DUSP16: variants seen among roughly 807,000 people sequenced by gnomAD.
DUSP16 encodes the protein dual specificity phosphatase 16, also known as dual specificity protein phosphatase 16.
DUSP16 carries 21 observed loss-of-function variants against 58.3 expected under a neutral mutation model. The observed-to-expected ratio is 0.36, with a 90% confidence interval of 0.26 to 0.52. DUSP16 has a LOEUF of 0.52. Ranked by LOEUF, DUSP16 falls within the 20% of genes least tolerant of loss-of-function variation. The pLI is 0.94. For synonymous variants in DUSP16, 320 were observed against 323.8 expected (o/e 0.99, Z 0.12); for missense variants, 726 against 819.0 (o/e 0.89, Z 1.39).
chr12:12,523,780 A>G (rs1944266878), intron 1 of DUSP16, among the ~76,000 whole-genome samples: 1 of 152,202 alleles, frequency 6.6e-6, no homozygotes, highest in African/African-American at 2.4e-5. Context: ...CTGTATTCAG[A>G]TTGTCTGATT....
chr12:12,548,032 C>T (rs1944673107), intron 1 of DUSP16, among the ~76,000 whole-genome samples: 1 of 152,136 alleles, frequency 6.6e-6, no homozygotes, highest in Non-Finnish European at 1.5e-5. Flanking sequence ...CCAGTAATAG[C>T]AGAAGAAGCA....
chr12:12,529,079 T>C (rs975008024), intron 1 of DUSP16, among the ~76,000 whole-genome samples: 1 of 152,244 alleles, frequency 6.6e-6, no homozygotes, highest in African/African-American at 2.4e-5. Flanking sequence ...TTATATCTAT[T>C]GGAAATGATG....
In DUSP16 at chr12:12,538,272, G is replaced by C. The variant is rs960715722; in HGVS notation, c.-365-16809C>G. Among the ~76,000 whole-genome samples the C allele has an allele frequency of 3.3e-5, 5 of 152,172 alleles. No homozygotes were observed. In the South Asian group the frequency reaches 1.0e-3, roughly 32 times the overall value. Reference sequence around the variant, plus strand: ...CAGTCTCTCTTACCTGGAGGACATAGAGGCATAAAAGCTGGATTTGAGTTG... The same window carrying C: ...CAGTCTCTCTTACCTGGAGGACATACAGGCATAAAAGCTGGATTTGAGTTG... On this transcript the variant is annotated intron_variant, in intron 1 of 6. Transcript: ENST00000298573.
intron 5 of DUSP16, among the ~76,000 whole-genome samples, chr12:12,484,281 A>T (rs1205136409): frequency 6.6e-6 from 1 of 152,178 alleles, no homozygotes; most frequent in Admixed American, 6.5e-5. Context: ...AAATACTGAT[A>T]AGTATTTGCA....
intron 4 of DUSP16, among the ~76,000 whole-genome samples, chr12:12,488,478 C>T (rs1272691528): frequency 6.6e-6 from 1 of 152,174 alleles, no homozygotes; most frequent in Non-Finnish European, 1.5e-5. Flanking sequence ...TAGAATTGCA[C>T]TCAAAACAAT....
Position 12,520,988 on chromosome 12 carries a change from G to A in DUSP16, c.111C>T (p.Tyr37=), listed in dbSNP as rs79481328. The change falls in exon 2 of 7, where the codon TAC becomes TAT. Residue 37 remains tyrosine, a synonymous_variant. Coordinates refer to ENST00000298573, the MANE Select transcript of DUSP16 (RefSeq NM_030640.3). The part of the protein sequence containing the change: ...LLIDSRPFVE[Y]NTSHILEAIN... ...TGGCTTCCAAAATGTGGGATGTATT[G>A]TATTCCACAAATGGCCGGCTATCAA... 8.1e-6 allele frequency: 13 copies of A among 1,614,194 alleles called. No individual in the cohort carries two copies. In the East Asian group the frequency reaches 2.5e-4, roughly 30 times the overall value.
At chr12:12,545,717 T>C (rs979816254) in intron 1 of DUSP16, among the ~76,000 whole-genome samples, 12 of 152,198 alleles carry the variant, frequency 7.9e-5, no homozygotes, top group African/African-American at 2.9e-4. Flanking sequence ...GCAGAACGTT[T>C]CCATCGCTCC....
At position 12,476,718 on chromosome 12, in the gene DUSP16, G is replaced by T; in HGVS notation, c.*115C>A. On this transcript the variant is annotated 3_prime_UTR_variant, in exon 7 of 7. Transcript: ENST00000298573. ...ATCCACCTGTTGCTTTTACACCATA[G>T]CTCCATTTTCCAAAAATATATATGT... is the stretch of plus-strand genomic sequence containing the variant. The T allele has an allele frequency of 2.2e-6, 2 of 908,598 alleles. No homozygotes were observed. The highest frequency in any genetic ancestry group is 2.8e-5 in the Admixed American group (1 of 36,252). 56.3% of individuals were successfully genotyped at this position (908,598 alleles called of 1,614,324 possible).
rs1943424031 is a variant in DUSP16, at chr12:12,475,950, T to TTTGA, written c.*879_*882dup. The TTTGA allele has an allele frequency of 6.6e-6, 1 of 152,160 alleles. No homozygotes were observed. Among genetic ancestry groups the TTTGA allele is most frequent in the South Asian group, 2.1e-4 (1 of 4,822 alleles). The allele number at this position is 152,160 out of a possible 1,614,324, so 9.4% of individuals were successfully genotyped here. On this transcript the variant is annotated 3_prime_UTR_variant, in exon 7 of 7. Transcript: ENST00000298573. ...TTGACAATCCCATTTTAAACAATTCTTTGATTTACAAAGAGGGAGGTAGAC... is the reference window on the plus strand; with the variant it reads ...TTGACAATCCCATTTTAAACAATTCTTTGATTGATTTACAAAGAGGGAGGTAGAC...
chr12:12,511,176 A>G (rs1944073862), intron 3 of DUSP16, among the ~76,000 whole-genome samples: 1 of 152,218 alleles, frequency 6.6e-6, no homozygotes, highest in African/African-American at 2.4e-5. Context: ...GAGCATGTGA[A>G]CAGATCAGTT....
At chr12:12,483,831 A>T (rs1943624114) in intron 5 of DUSP16, among the ~76,000 whole-genome samples, 1 of 152,064 alleles carries the variant, frequency 6.6e-6, no homozygotes, top group Non-Finnish European at 1.5e-5. Context: ...ACTTACCCAA[A>T]TCTAATCTAA....
At chr12:12,491,894 G>T (rs141476081) in intron 4 of DUSP16, among the ~76,000 whole-genome samples, 4 of 152,174 alleles carry the variant, frequency 2.6e-5, no homozygotes, top group Non-Finnish European at 5.9e-5. Context: ...CCCTGCAGGA[G>T]GACCTACAGT....
rs80240190 is a variant in DUSP16, at chr12:12,525,286, T to C, written c.-365-3823A>G. 3.3e-5 allele frequency among the ~76,000 whole-genome samples: 5 copies of C among 152,056 alleles called. No individual in the cohort carries two copies. The East Asian group carries it at 7.7e-4, about 23-fold the overall frequency. ...ACATGTAGAAATTCTTTTTTTTTTT[T>C]GAGACAGAGTTTCACTCTTATTGCC... On this transcript the variant is annotated intron_variant, in intron 1 of 6. Coordinates refer to ENST00000298573, the MANE Select transcript of DUSP16 (RefSeq NM_030640.3).
At chr12:12,488,234 A>G (rs1392825512) in intron 4 of DUSP16, among the ~76,000 whole-genome samples, 1 of 147,034 alleles carries the variant, frequency 6.8e-6, no homozygotes, top group Non-Finnish European at 1.5e-5. Context: ...TCCTTCTTCC[A>G]GAAGACACTC....
Position 12,519,323 on chromosome 12 carries a change from C to A in DUSP16, c.367+539G>T, listed in dbSNP as rs144242184. Among the ~76,000 whole-genome samples the A allele has an allele frequency of 7.6e-3, 1,162 of 152,272 alleles. 11 individuals carry two copies. Among genetic ancestry groups the A allele is most frequent in the Non-Finnish European group, 0.012 (804 of 68,018 alleles). On this transcript the variant is annotated intron_variant, in intron 3 of 6. Transcript: ENST00000298573. ...AAAACAAATAAAAATATACAAGTAA[C>A]TTTTAAAACAATTCCCCTAATTACC...
intron 1 of DUSP16, among the ~76,000 whole-genome samples, chr12:12,543,138 T>C (rs1944590700): frequency 6.6e-6 from 1 of 152,208 alleles, no homozygotes; most frequent in Non-Finnish European, 1.5e-5. Context: ...AAGACTGTAC[T>C]AGACAGTACA....
chr12:12,516,778 T>C (rs985470810), intron 3 of DUSP16, among the ~76,000 whole-genome samples: 2 of 152,230 alleles, frequency 1.3e-5, no homozygotes, highest in South Asian at 4.1e-4. Flanking sequence ...TCTAGACTGA[T>C]AAATCATAGG....
At chr12:12,550,731 G>C (rs1187573325) in intron 1 of DUSP16, among the ~76,000 whole-genome samples, 1 of 152,032 alleles carries the variant, frequency 6.6e-6, no homozygotes, top group African/African-American at 2.4e-5. Flanking sequence ...TCACACGCTG[G>C]GGTCTGTTGG....
intron 5 of DUSP16, among the ~76,000 whole-genome samples, chr12:12,485,138 T>C (rs1476930334): frequency 2.0e-5 from 3 of 151,776 alleles, no homozygotes; most frequent in Non-Finnish European, 4.4e-5. Flanking sequence ...GCTTCCCAAG[T>C]AGCTGGGACT....
Sources: gnomAD v4.1 joint callset for allele counts (sites outside exome capture counted in the v4.1 genomes callset) on GRCh38, gnomAD v4.1.1 for gene constraint, MANE v1.5 for transcripts, NCBI Gene and HGNC (gene_info 2026-07-23, HGNC 2026-07-21) for gene names.